The following CDK19 variants were observed in gnomAD, a reference collection of about 807,000 sequenced individuals.
The protein encoded by CDK19 is cyclin-dependent kinase 19.
Under a neutral mutation model 68.3 loss-of-function variants are expected in CDK19, and 20 were observed. That is an observed-to-expected ratio of 0.29 (90% CI 0.21 to 0.43). The LOEUF is 0.43. Ranked by LOEUF, CDK19 falls within the 20% of genes least tolerant of loss-of-function variation. CDK19 has a pLI of 1.00. For missense variants in CDK19, 339 were observed against 623.5 expected (o/e 0.54, Z 4.86); for synonymous variants, 221 against 222.8 (o/e 0.99, Z 0.07).
At chr6:110,800,196 T>C (rs1442017912) in intron 1 of CDK19, among the ~76,000 whole-genome samples, 1 of 152,162 alleles carries the variant, frequency 6.6e-6, no homozygotes, top group African/African-American at 2.4e-5. Flanking sequence ...GTGGGAAAGG[T>C]GTATTACTTC....
At chr6:110,635,221 A>G (rs1779685888) in intron 5 of CDK19, among the ~76,000 whole-genome samples, 1 of 152,228 alleles carries the variant, frequency 6.6e-6, no homozygotes, top group Non-Finnish European at 1.5e-5. Flanking sequence ...TAGAAGCAAA[A>G]AAGTGATAAG....
intron 1 of CDK19, among the ~76,000 whole-genome samples, chr6:110,784,052 G>A (rs539127615): frequency 4.0e-5 from 6 of 151,216 alleles, no homozygotes; most frequent in South Asian, 2.1e-4. Flanking sequence ...TCAGCTACTC[G>A]GGAGGCTGAG....
chr6:110,646,107 T>G (rs1780553781), intron 4 of CDK19: 1 of 872,472 alleles, frequency 1.1e-6, no homozygotes, highest in Admixed American at 2.0e-5. Flanking sequence ...AGGCACCTCC[T>G]TCGAGGTGAT....
At chr6:110,667,167 T>C (rs1582817390) in intron 4 of CDK19, among the ~76,000 whole-genome samples, 2 of 152,180 alleles carry the variant, frequency 1.3e-5, no homozygotes, top group African/African-American at 4.8e-5. Flanking sequence ...GACTACTCCA[T>C]TAAAATTGTA....
chr6:110,745,855 C>G (rs1181282880), intron 2 of CDK19, among the ~76,000 whole-genome samples: 1 of 152,054 alleles, frequency 6.6e-6, no homozygotes, highest in Admixed American at 6.6e-5. Flanking sequence ...GTAATCCCAG[C>G]TACTCGAGAG....
Position 110,771,248 on chromosome 6 carries a change from T to G in CDK19, c.129-25047A>C, listed in dbSNP as rs1202939842. Among the ~76,000 whole-genome samples, 3 of 152,218 alleles carry G rather than the reference T, an allele frequency of 2.0e-5. No individual in the cohort carries two copies. In the East Asian group the frequency reaches 5.8e-4, roughly 29 times the overall value. ...GGGCCTCGCCCCTGCAGCAAACTTT[T>G]GCCTCAGCATCCAGCATTTCCATAC... On this transcript the variant is annotated intron_variant, in intron 1 of 12. Coordinates refer to ENST00000368911, the MANE Select transcript of CDK19 (RefSeq NM_015076.5).
At chr6:110,666,573 T>G (rs1781956093) in intron 4 of CDK19, among the ~76,000 whole-genome samples, 1 of 152,044 alleles carries the variant, frequency 6.6e-6, no homozygotes, top group African/African-American at 2.4e-5. Context: ...TAGCCCTGAC[T>G]GACAAGGTCC....
At chr6:110,694,744 T>C (rs558147990) in intron 2 of CDK19, among the ~76,000 whole-genome samples, 20 of 152,324 alleles carry the variant, frequency 1.3e-4, no homozygotes, top group African/African-American at 4.1e-4. Flanking sequence ...ACAGACCATA[T>C]GATAGGCCCC....
At chr6:110,646,232 G>A in intron 4 of CDK19, 1 of 1,476,720 alleles carries the variant, frequency 6.8e-7, no homozygotes. Context: ...CGCAGGAGCT[G>A]CTGGCTCTGT....
intron 2 of CDK19, among the ~76,000 whole-genome samples, chr6:110,743,409 T>A (rs1312023390): frequency 6.6e-6 from 1 of 152,032 alleles, no homozygotes; most frequent in Admixed American, 6.6e-5. Context: ...TGGGAGGTTG[T>A]GGCGGGTGGA....
At chr6:110,742,444 G>C (rs1337419731) in intron 2 of CDK19, among the ~76,000 whole-genome samples, 1 of 152,128 alleles carries the variant, frequency 6.6e-6, no homozygotes, top group Non-Finnish European at 1.5e-5. Context: ...CCCTGAAAAA[G>C]AACAGAATAA....
intron 1 of CDK19, among the ~76,000 whole-genome samples, chr6:110,765,832 C>T (rs1025869714): frequency 1.3e-5 from 2 of 151,936 alleles, no homozygotes; most frequent in South Asian, 2.1e-4. Flanking sequence ...ATACAAATGA[C>T]GAACAGGTAT....
chr6:110,691,820 G>C (rs1052338694), intron 2 of CDK19, among the ~76,000 whole-genome samples: 1 of 150,436 alleles, frequency 6.6e-6, no homozygotes, highest in Non-Finnish European at 1.5e-5. Flanking sequence ...GCTTATTTTT[G>C]TATTTTTAGT....
intron 2 of CDK19, among the ~76,000 whole-genome samples, chr6:110,738,581 A>T (rs986136493): frequency 2.6e-5 from 4 of 152,110 alleles, no homozygotes; most frequent in African/African-American, 9.7e-5. Context: ...GTAATTAAAT[A>T]ATCTTAATAA....
chr6:110,734,908 C>A (rs1274700439), intron 2 of CDK19, among the ~76,000 whole-genome samples: 1 of 152,138 alleles, frequency 6.6e-6, no homozygotes, highest in East Asian at 1.9e-4. Context: ...AATTAAATTA[C>A]TTGAATAGTA....
chr6:110,745,513 T>C (rs1215679627), intron 2 of CDK19, among the ~76,000 whole-genome samples: 1 of 152,088 alleles, frequency 6.6e-6, no homozygotes, highest in Non-Finnish European at 1.5e-5. Flanking sequence ...AAAGACCTTA[T>C]CAGTCCTAAA....
rs528618163 is a variant in CDK19, at chr6:110,649,972, T to A, written c.457-11266A>T. Among the ~76,000 whole-genome samples the A allele has an allele frequency of 8.5e-4, 130 of 152,328 alleles. 1 individual carries two copies. In the Middle Eastern group the frequency reaches 0.01, roughly 12 times the overall value. On this transcript the variant is annotated intron_variant, in intron 4 of 12. Coordinates refer to ENST00000368911, the MANE Select transcript of CDK19 (RefSeq NM_015076.5). ...TATATATAGCCTTTGAATCAGTAAT[T>A]CCATTTTTAAAAATGCCAGATTACA...
intron 2 of CDK19, among the ~76,000 whole-genome samples, chr6:110,719,826 G>T (rs911223092): frequency 3.9e-5 from 6 of 152,076 alleles, no homozygotes; most frequent in African/African-American, 1.4e-4. Flanking sequence ...CGCCTCCCAG[G>T]TTCAAGCGAT....
intron 4 of CDK19, among the ~76,000 whole-genome samples, chr6:110,647,331 G>A (rs1187890378): frequency 7.5e-6 from 1 of 134,076 alleles, no homozygotes; most frequent in East Asian, 2.5e-4. Flanking sequence ...TAGAACCAGC[G>A]AAACCCAAGC....
Sources: allele counts gnomAD v4.1 joint callset (sites outside exome capture counted in the v4.1 genomes callset), GRCh38; gene constraint gnomAD v4.1.1; transcripts MANE v1.5; gene names NCBI Gene and HGNC (gene_info 2026-07-23, HGNC 2026-07-21).